SBK2: variants seen among roughly 807,000 people sequenced by gnomAD.
The protein encoded by SBK2 is SH3 domain binding kinase family member 2.
SBK2 carries 18 observed loss-of-function variants against 15.9 expected under a neutral mutation model. That is an observed-to-expected ratio of 1.13 (90% CI 0.78 to 1.68). The LOEUF (loss-of-function observed/expected upper bound fraction) is 1.68. SBK2 is among the 40% of genes most tolerant of loss of function. The probability of loss-of-function intolerance (pLI) is 0.00; values close to 1 mark genes in which losing one functional copy is unlikely to be tolerated. For synonymous variants in SBK2, 284 were observed against 246.8 expected, an observed-to-expected ratio of 1.15 and a Z score of -1.41; for missense variants, 581 against 510.9, an observed-to-expected ratio of 1.14 and a Z score of -1.32.
Position 55,530,027 on chromosome 19 carries a change from GACGCCCA to G in SBK2, c.746_752del (p.Leu249ProfsTer68), listed in dbSNP as rs1199665098. The G allele has an allele frequency of 6.7e-6, 10 of 1,503,308 alleles. No homozygotes were observed. The African/African-American group carries it at 1.4e-4, about 22-fold the overall frequency. 93.1% of individuals were successfully genotyped at this position (1,503,308 alleles called of 1,614,324 possible). On this transcript the variant is annotated frameshift_variant, in exon 4 of 4. Transcript: ENST00000413299. LOFTEE classifies it low-confidence loss of function (END_TRUNC). ...AGCCCGTGAGGAGGCAGAAGAGCAGGACGCCCAGCGCCCAGGCGTCCAGGGCGGGCTG... is the reference window on the plus strand; with the variant it reads ...AGCCCGTGAGGAGGCAGAAGAGCAGGGCGCCCAGGCGTCCAGGGCGGGCTG...
chr19:55,530,228 C>T lies in SBK2; in HGVS notation c.552G>A (p.Leu184=), dbSNP rs1249872633. 3.3e-6 allele frequency: 5 copies of T among 1,534,148 alleles called. No homozygotes were observed. The highest frequency in any genetic ancestry group is 1.2e-5 in the South Asian group (1 of 82,432). The change falls in exon 4 of 4, where the codon CTG becomes CTA. Residue 184 remains leucine, a synonymous_variant. Coordinates refer to ENST00000413299, the MANE Select transcript of SBK2 (RefSeq NM_001370096.2). Reference sequence around the variant, plus strand: ...CGCACACCAGGACGTTCTCCGGCTTCAGGTCCCGGTACACCAGGCCGCGGG... The same window carrying T: ...CGCACACCAGGACGTTCTCCGGCTTTAGGTCCCGGTACACCAGGCCGCGGG... ...IHARGLVYRD[L]KPENVLVCDP... is the part of the protein sequence containing the mutation.
intron 2 of SBK2, among the ~76,000 whole-genome samples, chr19:55,533,205 C>G (rs1336739085): frequency 6.6e-6 from 1 of 151,880 alleles, no homozygotes; most frequent in Admixed American, 6.6e-5. Flanking sequence ...GTTGCACATG[C>G]CTGTAATCCC....
In SBK2 at chr19:55,533,698, A is replaced by AAAAAAAAAAAAT. The variant is rs1568492522; in HGVS notation, c.253+2343_253+2344insATTTTTTTTTTT. 2.9e-5 allele frequency among the ~76,000 whole-genome samples: 2 copies of AAAAAAAAAAAAT among 69,574 alleles called. 1 individual carries two copies. The highest frequency in any genetic ancestry group is 1.2e-4 in the African/African-American group (2 of 16,182). 45.6% of individuals were successfully genotyped at this position (69,574 alleles called of 152,430 possible). A position where few individuals can be genotyped will look rare whatever the true frequency, so the allele number is the denominator to read the frequency against. ...AAAAAAAAAAAAAAAAAAAAAAAAA[A>AAAAAAAAAAAAT]GAAAAAGTTCCTTCCTTATCAAAAA... On this transcript the variant is annotated intron_variant, in intron 2 of 3. Coordinates refer to ENST00000413299, the MANE Select transcript of SBK2 (RefSeq NM_001370096.2).
Position 55,530,189 on chromosome 19 carries a change from C to A in SBK2, c.591G>T (p.Arg197=), listed in dbSNP as rs1555769939. The change falls in exon 4 of 4, where the codon CGG becomes CGT. Residue 197 remains arginine (R), a synonymous_variant. Coordinates refer to ENST00000413299, the MANE Select transcript of SBK2 (RefSeq NM_001370096.2). ...GGCCGAAGTCGGTCAGCTTGAAGCG[C>A]CGGCAGGCCGGGTCGCACACCAGGA... ...ENVLVCDPAC[R]RFKLTDFGHT... 2.0e-6 allele frequency: 3 copies of A among 1,532,518 alleles called. No individual in the cohort carries two copies. The highest frequency in any genetic ancestry group is 1.7e-4 in the Middle Eastern group (1 of 5,908). The allele number at this position is 1,532,518 out of a possible 1,614,324, so 94.9% of individuals were successfully genotyped here.
Position 55,529,698 on chromosome 19 carries a change from G to A in SBK2, c.*35C>T, listed in dbSNP as rs528869506. The stretch of plus-strand genomic sequence containing the variant: ...CCGTTGGCCTTGGGGGCCTCGGGTG[G>A]GGCGGCTTCCCTTTCTGCATCCCCC... On this transcript the variant is annotated 3_prime_UTR_variant, in exon 4 of 4. Transcript: ENST00000413299. The A allele has an allele frequency of 8.3e-5, 132 of 1,586,872 alleles. 1 individual carries two copies. The highest frequency in any genetic ancestry group is 1.0e-4 in the Admixed American group (6 of 58,178).
intron 2 of SBK2, among the ~76,000 whole-genome samples, chr19:55,532,283 T>G (rs1568491954): frequency 6.7e-6 from 1 of 148,694 alleles, no homozygotes; most frequent in Non-Finnish European, 1.5e-5. Flanking sequence ...CGAAGGAACT[T>G]CTGATGTCTT....
intron 2 of SBK2, 26 bp downstream of exon 2, chr19:55,536,016 C>T (rs774064920): frequency 1.5e-5 from 21 of 1,426,446 alleles, no homozygotes; most frequent in Non-Finnish European, 1.8e-5. Context: ...CTGAACCCTG[C>T]CACCTCTGGC....
At chr19:55,533,867 C>A (rs1988334416) in intron 2 of SBK2, among the ~76,000 whole-genome samples, 1 of 151,926 alleles carries the variant, frequency 6.6e-6, no homozygotes, top group African/African-American at 2.4e-5. Flanking sequence ...GTGCCCTGAG[C>A]TTCTTAACGA....
Position 55,536,026 on chromosome 19 carries a change from C to T in SBK2, c.253+16G>A, listed in dbSNP as rs79278754. 7.8e-4 allele frequency: 1,121 copies of T among 1,436,448 alleles called. 12 individuals are homozygous for T. The African/African-American group carries it at 0.014, about 18-fold the overall frequency. The allele number at this position is 1,436,448 out of a possible 1,614,324, so 89.0% of individuals were successfully genotyped here. On this transcript the variant is annotated intron_variant, in intron 2 of 3. Coordinates refer to ENST00000413299, the MANE Select transcript of SBK2 (RefSeq NM_001370096.2). ...CCCAGCTGAACCCTGCCACCTCTGG[C>T]CCCACAGCCTCGTACCTTTCTGACG...
chr19:55,531,928 G>A (rs189414485), intron 2 of SBK2, among the ~76,000 whole-genome samples: 1 of 151,520 alleles, frequency 6.6e-6, no homozygotes, highest in African/African-American at 2.4e-5. Context: ...GCAGTGAGCC[G>A]AGATTGCGCC....
In SBK2 at chr19:55,529,616, A is replaced by C. The variant is rs1988189754; in HGVS notation, c.*117T>G. 2 of 1,375,522 alleles carry C rather than the reference A, an allele frequency of 1.5e-6. No homozygotes were observed. The highest frequency in any genetic ancestry group is 1.9e-4 in the Middle Eastern group (1 of 5,206). 85.2% of individuals were successfully genotyped at this position (1,375,522 alleles called of 1,614,324 possible). A position where few individuals can be genotyped will look rare whatever the true frequency, so the allele number is the denominator to read the frequency against. On this transcript the variant is annotated 3_prime_UTR_variant, in exon 4 of 4. Coordinates refer to ENST00000413299, the MANE Select transcript of SBK2 (RefSeq NM_001370096.2). Reference sequence around the variant, plus strand: ...CCTGCAGAGAGGAGAGAGGAGGAGGACGCCGAGGGGAATCCCAAGCCCCAT... The same window carrying C: ...CCTGCAGAGAGGAGAGAGGAGGAGGCCGCCGAGGGGAATCCCAAGCCCCAT...
chr19:55,535,490 T>A (rs1268981437), intron 2 of SBK2, among the ~76,000 whole-genome samples: 1 of 152,112 alleles, frequency 6.6e-6, no homozygotes, highest in Non-Finnish European at 1.5e-5. Flanking sequence ...ACTCAGAGGA[T>A]CCACCATTCT....
In SBK2 at chr19:55,530,234, C is replaced by G. The variant is rs1988218176; in HGVS notation, c.546G>C (p.Arg182=). The G allele has an allele frequency of 6.5e-7, 1 of 1,529,942 alleles. No homozygotes were observed. The allele number at this position is 1,529,942 out of a possible 1,614,324, so 94.8% of individuals were successfully genotyped here. ...EYIHARGLVY[R]DLKPENVLVC... ...CCAGGACGTTCTCCGGCTTCAGGTC[C>G]CGGTACACCAGGCCGCGGGCGTGGA... is the stretch of plus-strand genomic sequence containing the variant. Residue 182 remains arginine (R), a synonymous_variant, in exon 4 of 4, where the codon CGG becomes CGC. Transcript: ENST00000413299.
intron 2 of SBK2, among the ~76,000 whole-genome samples, chr19:55,533,773 T>G (rs1425118404): frequency 6.6e-6 from 1 of 151,642 alleles, no homozygotes; most frequent in African/African-American, 2.4e-5. Context: ...GGGTCTCTTC[T>G]GCGTGTTCAC....
At chr19:55,536,012 C>G in intron 2 of SBK2, 30 bp downstream of exon 2, 1 of 1,427,116 alleles carries the variant, frequency 7.0e-7, no homozygotes. Flanking sequence ...CCAGCTGAAC[C>G]CTGCCACCTC....
chr19:55,530,294 G>A lies in SBK2; in HGVS notation c.486C>T (p.Arg162=). The part of the protein sequence containing the change: ...KVGLPQPAVH[R]CAAQLASALE... ...GGGCGGAGGCCAGCTGGGCGGCGCA[G>A]CGGTGCACCGCGGGCTGCGGGAGGC... The change falls in exon 4 of 4, where the codon CGC becomes CGT. Residue 162 remains arginine (R), a synonymous_variant. Transcript: ENST00000413299. 1.4e-6 allele frequency: 2 copies of A among 1,432,324 alleles called. No individual in the cohort carries two copies. Among genetic ancestry groups the A allele is most frequent in the African/African-American group, 1.5e-5 (1 of 67,622 alleles). The allele number at this position is 1,432,324 out of a possible 1,614,324, so 88.7% of individuals were successfully genotyped here.
Position 55,531,273 on chromosome 19 carries a change from AC to A in SBK2, c.325del (p.Val109TrpfsTer12). 1.2e-6 allele frequency: 2 copies of A among 1,613,662 alleles called. No homozygotes were observed. The highest frequency in any genetic ancestry group is 1.7e-6 in the Non-Finnish European group (2 of 1,179,898). On this transcript the variant is annotated frameshift_variant, in exon 3 of 4. Coordinates refer to ENST00000413299, the MANE Select transcript of SBK2 (RefSeq NM_001370096.2). LOFTEE classifies it high-confidence loss of function. ...TGAGTGCGCGCCCAGCGAGAGCCCC[AC>A]ACAGAACTCGTACAGGAAGCCACGG... The part of the protein sequence containing the change: ...SLRGFLYEFC[V>X]GLSLGAHSAI...
chr19:55,535,814 G>GTGGA (rs1328232898), intron 2 of SBK2, among the ~76,000 whole-genome samples: 1 of 152,210 alleles, frequency 6.6e-6, no homozygotes, highest in East Asian at 1.9e-4. Flanking sequence ...AACCTGGGAG[G>GTGGA]TGGAAGTTGC....
At position 55,530,112 on chromosome 19, in the gene SBK2, T is replaced by C. The variant is rs1240643485; in HGVS notation, c.668A>G (p.Tyr223Cys). ...GGGCGCGCAGAGCTCGGGGGCCGTG[T>C]AGGGGATGGGCGGCCCGGCCAGGCG... The part of the protein sequence containing the change: ...LLRLAGPPIP[Y>C]TAPELCAPPP... The change falls in exon 4 of 4, where the codon TAC becomes TGC. Residue 223 changes from tyrosine (Y) to cysteine (C), a missense_variant. Transcript: ENST00000413299. 1.4e-6 allele frequency: 2 copies of C among 1,455,444 alleles called. No homozygotes were observed. The highest frequency in any genetic ancestry group is 1.8e-6 in the Non-Finnish European group (2 of 1,108,460). 90.2% of individuals were successfully genotyped at this position (1,455,444 alleles called of 1,614,324 possible).
Sources: gnomAD v4.1 joint callset for allele counts (sites outside exome capture counted in the v4.1 genomes callset) on GRCh38, gnomAD v4.1.1 for gene constraint, MANE v1.5 for transcripts, NCBI Gene and HGNC (gene_info 2026-07-23, HGNC 2026-07-21) for gene names.